The following HS3ST3B1 variants were observed in gnomAD, a reference collection of about 807,000 sequenced individuals.
HS3ST3B1 encodes the protein heparan sulfate-glucosamine 3-sulfotransferase 3B1.
In HS3ST3B1, 13 loss-of-function variants were observed where a neutral mutation model predicts 21.3. That is an observed-to-expected ratio of 0.61 (90% CI 0.40 to 0.97). The LOEUF (loss-of-function observed/expected upper bound fraction) is 0.97. HS3ST3B1 is among the 50% of genes least tolerant of loss of function. The probability of loss-of-function intolerance (pLI) is 0.00; values close to 1 mark genes in which losing one functional copy is unlikely to be tolerated. For synonymous variants in HS3ST3B1, 234 were observed against 254.8 expected (o/e 0.92, Z 0.78); for missense variants, 459 against 554.8 (o/e 0.83, Z 1.73).
chr17:14,328,195 A>G (rs1003072829), intron 1 of HS3ST3B1: 3 of 152,306 alleles, frequency 2.0e-5, no homozygotes, highest in African/African-American at 7.2e-5. Flanking sequence ...ATAATCATGG[A>G]ACCTACTCAA....
At chr17:14,340,387 C>T (rs937957132) in intron 1 of HS3ST3B1, among the ~76,000 whole-genome samples, 3 of 151,966 alleles carry the variant, frequency 2.0e-5, no homozygotes, top group Non-Finnish European at 2.9e-5. Flanking sequence ...CATGGCGCCT[C>T]GTAGTAAGTT....
At chr17:14,333,795 C>A (rs1029387458) in intron 1 of HS3ST3B1, among the ~76,000 whole-genome samples, 1 of 152,086 alleles carries the variant, frequency 6.6e-6, no homozygotes, top group Non-Finnish European at 1.5e-5. Context: ...AGGCTGAGAA[C>A]CTTTTTTTTC....
intron 1 of HS3ST3B1, chr17:14,329,407 AAG>A (rs1022452665): frequency 9.7e-5 from 14 of 144,680 alleles, no homozygotes; most frequent in South Asian, 2.2e-4. Flanking sequence ...AAGGAAGGAA[AAG>A]AGAGAAAGAG....
intron 1 of HS3ST3B1, among the ~76,000 whole-genome samples, chr17:14,334,138 T>G (rs1238125079): frequency 6.6e-6 from 1 of 152,148 alleles, no homozygotes; most frequent in East Asian, 1.9e-4. Flanking sequence ...CTCAGGAGAA[T>G]TATTGCTAAA....
chr17:14,307,410 GA>G (rs11383288), intron 1 of HS3ST3B1, among the ~76,000 whole-genome samples: 16,296 of 141,330 alleles, frequency 0.12, 980 homozygotes, highest in East Asian at 0.23. Flanking sequence ...GTTTTAGTCT[GA>G]AAAAAAAAAA....
intron 1 of HS3ST3B1, among the ~76,000 whole-genome samples, chr17:14,305,707 C>A (rs975707118): frequency 6.6e-6 from 1 of 152,130 alleles, no homozygotes; most frequent in Non-Finnish European, 1.5e-5. Flanking sequence ...TAAGCTGACA[C>A]GTTAATGCTG....
intron 1 of HS3ST3B1, among the ~76,000 whole-genome samples, chr17:14,305,846 C>A (rs1376435409): frequency 3.3e-5 from 5 of 152,070 alleles, no homozygotes; most frequent in Non-Finnish European, 7.3e-5. Context: ...ACAGGATTAG[C>A]AAATTTAATC....
intron 1 of HS3ST3B1, among the ~76,000 whole-genome samples, chr17:14,314,314 T>C (rs1342679972): frequency 3.9e-5 from 6 of 152,232 alleles, no homozygotes; most frequent in Admixed American, 3.3e-4. Context: ...TACATACTTA[T>C]AGAAAAGTGT....
chr17:14,337,101 C>T (rs561548842), intron 1 of HS3ST3B1, among the ~76,000 whole-genome samples: 2 of 152,254 alleles, frequency 1.3e-5, no homozygotes. Flanking sequence ...TTATTCTTTA[C>T]CTGTCTGTTT....
chr17:14,336,674 C>G (rs550515884), intron 1 of HS3ST3B1, among the ~76,000 whole-genome samples: 1 of 152,148 alleles, frequency 6.6e-6, no homozygotes, highest in Non-Finnish European at 1.5e-5. Flanking sequence ...AGGCTATCTC[C>G]GACTGCAGAT....
At chr17:14,308,031 G>T (rs1255181050) in intron 1 of HS3ST3B1, among the ~76,000 whole-genome samples, 5 of 152,202 alleles carry the variant, frequency 3.3e-5, no homozygotes, top group Non-Finnish European at 7.3e-5. Flanking sequence ...AAAGAAAGGA[G>T]ATACTGATAT....
At chr17:14,330,769 C>T (rs1909985775) in intron 1 of HS3ST3B1, among the ~76,000 whole-genome samples, 1 of 151,844 alleles carries the variant, frequency 6.6e-6, no homozygotes, top group Admixed American at 6.6e-5. Flanking sequence ...CAGAGGCATG[C>T]GAAAAAGAAA....
intron 1 of HS3ST3B1, among the ~76,000 whole-genome samples, chr17:14,302,872 C>T (rs192875350): frequency 2.0e-4 from 30 of 152,366 alleles, no homozygotes; most frequent in Admixed American, 1.8e-3. Context: ...ACGCGTGTCT[C>T]CGCGGGGCTT....
At chr17:14,312,679 C>A (rs1398090457) in intron 1 of HS3ST3B1, among the ~76,000 whole-genome samples, 2 of 151,936 alleles carry the variant, frequency 1.3e-5, no homozygotes, top group East Asian at 3.9e-4. Flanking sequence ...CTGCTCCCAT[C>A]CCCTCCTCTA....
In HS3ST3B1 at chr17:14,348,785, T is replaced by G. The variant is rs1049599192; in HGVS notation, c.*3139T>G. Reference sequence around the variant, plus strand: ...AACAAAAAAAAATTGAGGTTTTTCTTGTTTCTATCTAGTTCATGCTTTCTT... The same window carrying G: ...AACAAAAAAAAATTGAGGTTTTTCTGGTTTCTATCTAGTTCATGCTTTCTT... On this transcript the variant is annotated 3_prime_UTR_variant, in exon 2 of 2. Coordinates refer to ENST00000360954, the MANE Select transcript of HS3ST3B1 (RefSeq NM_006041.3). The G allele has an allele frequency of 6.6e-6, 1 of 152,228 alleles. No homozygotes were observed. The highest frequency in any genetic ancestry group is 1.5e-5 in the Non-Finnish European group (1 of 68,034). 9.4% of individuals were successfully genotyped at this position (152,228 alleles called of 1,614,324 possible). A position where few individuals can be genotyped will look rare whatever the true frequency, so the allele number is the denominator to read the frequency against.
intron 1 of HS3ST3B1, among the ~76,000 whole-genome samples, chr17:14,318,984 G>A (rs928823706): frequency 1.3e-5 from 2 of 152,206 alleles, no homozygotes; most frequent in African/African-American, 2.4e-5. Context: ...TGGGGATGTG[G>A]GTTTGGGGGA....
At position 14,301,739 on chromosome 17, in the gene HS3ST3B1, C is replaced by T. The variant is rs565456399; in HGVS notation, c.221C>T (p.Pro74Leu). 2 of 1,598,470 alleles carry T rather than the reference C, an allele frequency of 1.3e-6. No homozygotes were observed. Among genetic ancestry groups the T allele is most frequent in the Non-Finnish European group, 1.7e-6 (2 of 1,174,176 alleles). The change falls in exon 1 of 2, where the codon CCG becomes CTG. Residue 74 changes from proline to leucine, a missense_variant. Pro to Leu is a moderately conservative substitution (Grantham distance 98). Transcript: ENST00000360954. ...LGSGSRAAHD[P>L]PALATAPDGT... ...TCTGGGTCCCGCGCCGCACACGACC[C>T]GCCAGCCCTGGCCACAGCTCCGGAC...
At chr17:14,335,354 A>T (rs918140155) in intron 1 of HS3ST3B1, among the ~76,000 whole-genome samples, 2 of 152,238 alleles carry the variant, frequency 1.3e-5, no homozygotes, top group Non-Finnish European at 2.9e-5. Context: ...TCTTCAAAAA[A>T]ATAACTTGTC....
intron 1 of HS3ST3B1, among the ~76,000 whole-genome samples, chr17:14,322,898 C>CTTTTTTTTTTTTTTTTTTT (rs34065582): frequency 1.1e-5 from 1 of 94,586 alleles, no homozygotes; most frequent in Non-Finnish European, 2.2e-5. Context: ...GTGTCTATGT[C>CTTTTTTTTTTTTTTTTTTT]TTTTTTTTTT....
Sources: gnomAD v4.1 joint callset for allele counts (sites outside exome capture counted in the v4.1 genomes callset) on GRCh38, gnomAD v4.1.1 for gene constraint, MANE v1.5 for transcripts, NCBI Gene and HGNC (gene_info 2026-07-23, HGNC 2026-07-21) for gene names.